COL5A2: variants seen among roughly 807,000 people sequenced by gnomAD.
COL5A2 encodes collagen alpha-2(V) chain.
Under a neutral mutation model 208.2 loss-of-function variants are expected in COL5A2, and 23 were observed. That is an observed-to-expected ratio of 0.11 (90% CI 0.08 to 0.16). The LOEUF is 0.16. COL5A2 is among the 10% of genes least tolerant of loss of function. The pLI is 1.00. For synonymous variants in COL5A2, 625 were observed against 628.5 expected, an observed-to-expected ratio of 0.99 and a Z score of 0.08; for missense variants, 1,590 against 1,956.4, an observed-to-expected ratio of 0.81 and a Z score of 3.53.
chr2:189,440,276 G>T, the COL5A2 span, among the ~76,000 whole-genome samples: 1 of 152,168 alleles, frequency 6.6e-6, no homozygotes, highest in African/African-American at 2.4e-5. Context: ...TAATGATGGG[G>T]ATATGTTCTA....
intron 26 of COL5A2, 81 bp downstream of exon 26, chr2:189,063,899 A>ATATAATCAAAAAAATGATAT: frequency 1.8e-6 from 2 of 1,134,342 alleles, no homozygotes; most frequent in South Asian, 2.6e-5. Flanking sequence ...AATCAAAAAC[A>ATATAATCAAAAAAATGATAT]TTAACCTAAA....
chr2:189,087,707 T>G (rs1316627928), intron 8 of COL5A2, among the ~76,000 whole-genome samples: 1 of 146,954 alleles, frequency 6.8e-6, no homozygotes, highest in Admixed American at 6.8e-5. Context: ...GACCTTGTGA[T>G]CCGTCTGCCA....
intron 1 of COL5A2, among the ~76,000 whole-genome samples, chr2:189,147,722 G>GA (rs1184733736): frequency 1.3e-5 from 2 of 152,088 alleles, no homozygotes; most frequent in Non-Finnish European, 2.9e-5. Flanking sequence ...AACGTCTCTA[G>GA]AAAAAACATT....
At chr2:189,186,888 T>C (rs1688860466) in intron 1 of COL5A2, among the ~76,000 whole-genome samples, 1 of 152,266 alleles carries the variant, frequency 6.6e-6, no homozygotes, top group African/African-American at 2.4e-5. Flanking sequence ...TTATTAAAGA[T>C]ATTTCCTTTT....
chr2:189,410,106 A>G, the COL5A2 span, among the ~76,000 whole-genome samples: 6 of 152,188 alleles, frequency 3.9e-5, no homozygotes, highest in African/African-American at 1.4e-4. Context: ...GAGCTACTGA[A>G]TCATTTCCAC....
the COL5A2 span, among the ~76,000 whole-genome samples, chr2:189,321,234 G>A: frequency 6.6e-6 from 1 of 152,120 alleles, no homozygotes; most frequent in Non-Finnish European, 1.5e-5. Context: ...AAAGACCATC[G>A]ATGCTAGGAG....
Position 189,062,896 on chromosome 2 carries a change from T to G in COL5A2, c.1946A>C (p.Glu649Ala). Reference sequence around the variant, plus strand: ...GCCCACAGGACCAGAAGGACCAACTTCACCATCTTTTCCAGGAGCTCCCTA... The same window carrying G: ...GCCCACAGGACCAGAAGGACCAACTGCACCATCTTTTCCAGGAGCTCCCTA... Reference protein sequence around the residue: ...GQRGAPGKDGEVGPSGPVGPP... With the variant: ...GQRGAPGKDGAVGPSGPVGPP... Residue 649 changes from glutamate (E) to alanine (A), a missense_variant, in exon 29 of 54, where the codon GAA (glutamate) becomes GCA (alanine). Glu to Ala is a moderately radical substitution (Grantham distance 107, BLOSUM62 -1). Coordinates refer to ENST00000374866, the MANE Select transcript of COL5A2 (RefSeq NM_000393.5). 1 of 1,614,038 alleles carries G rather than the reference T, an allele frequency of 6.2e-7. No individual in the cohort carries two copies. Among genetic ancestry groups the G allele is most frequent in the Non-Finnish European group, 8.5e-7 (1 of 1,179,990 alleles).
At chr2:189,277,710 G>A in the COL5A2 span, among the ~76,000 whole-genome samples, 1 of 143,676 alleles carries the variant, frequency 7.0e-6, no homozygotes, top group Non-Finnish European at 1.6e-5. Context: ...ATCAGATACA[G>A]ATACTCATAG....
At chr2:189,093,245 G>GTATT in intron 6 of COL5A2, among the ~76,000 whole-genome samples, 1 of 152,316 alleles carries the variant, frequency 6.6e-6, no homozygotes, top group South Asian at 2.1e-4. Flanking sequence ...GGCTAGTTAA[G>GTATT]TATTTTCTGG....
At chr2:189,054,094 T>C (rs1685849945) in intron 36 of COL5A2, 65 bp downstream of exon 36, 1 of 1,488,092 alleles carries the variant, frequency 6.7e-7, no homozygotes, top group African/African-American at 1.4e-5. Flanking sequence ...TGAAAAGATT[T>C]ATGAAAGAGC....
intron 12 of COL5A2, among the ~76,000 whole-genome samples, chr2:189,083,472 A>T (rs1012524856): frequency 2.0e-5 from 3 of 152,142 alleles, no homozygotes; most frequent in East Asian, 1.9e-4. Context: ...AGCCAAAATT[A>T]GGGTTTGGGG....
intron 2 of COL5A2, among the ~76,000 whole-genome samples, chr2:189,108,139 G>A (rs889590089): frequency 6.6e-6 from 1 of 151,432 alleles, no homozygotes; most frequent in African/African-American, 2.4e-5. Context: ...TTTCTGCATT[G>A]TCAGAAGCTA....
At chr2:189,226,390 C>A (rs1186074943), upstream of COL5A2, among the ~76,000 whole-genome samples, 2 of 152,072 alleles carry the variant, frequency 1.3e-5, no homozygotes, top group Non-Finnish European at 2.9e-5. Flanking sequence ...AATCCCAAAA[C>A]CAGTTAAGAG....
the COL5A2 span, among the ~76,000 whole-genome samples, chr2:189,313,978 C>A: frequency 6.6e-6 from 1 of 152,114 alleles, no homozygotes; most frequent in Admixed American, 6.5e-5. Context: ...GACTTAGACT[C>A]CCACAAAATA....
At chr2:189,036,565 ATAAGTAG>A in intron 52 of COL5A2, 44 bp downstream of exon 52, 1 of 1,435,954 alleles carries the variant, frequency 7.0e-7, no homozygotes, top group Non-Finnish European at 9.6e-7. Flanking sequence ...AAAATATGTA[ATAAGTAG>A]TAAAAAGTAA....
chr2:189,087,108 A>G (rs904752452), intron 8 of COL5A2, among the ~76,000 whole-genome samples: 2 of 152,250 alleles, frequency 1.3e-5, no homozygotes, highest in African/African-American at 2.4e-5. Context: ...CTTGGCTGAC[A>G]TAAGTTAGTT....
the COL5A2 span, among the ~76,000 whole-genome samples, chr2:189,320,550 G>A: frequency 6.6e-6 from 1 of 152,232 alleles, no homozygotes; most frequent in African/African-American, 2.4e-5. Flanking sequence ...TCGATCAACT[G>A]GAAGAAAGAG....
chr2:189,320,983 C>T, the COL5A2 span, among the ~76,000 whole-genome samples: 2 of 152,236 alleles, frequency 1.3e-5, no homozygotes, highest in Non-Finnish European at 2.9e-5. Flanking sequence ...AGAAACTCTA[C>T]AAGCCAGAAG....
chr2:189,378,571 A>C, the COL5A2 span, among the ~76,000 whole-genome samples: 1 of 152,060 alleles, frequency 6.6e-6, no homozygotes, highest in African/African-American at 2.4e-5. Context: ...AAAAATACAA[A>C]AAATTAGCCG....
Sources: gnomAD v4.1 joint callset for allele counts (sites outside exome capture counted in the v4.1 genomes callset) on GRCh38, gnomAD v4.1.1 for gene constraint, MANE v1.5 for transcripts, NCBI Gene and HGNC (gene_info 2026-07-23, HGNC 2026-07-21) for gene names.